Variants in CTNNA1 observed in about 807,000 individuals in gnomAD.
CTNNA1 encodes catenin alpha 1.
In CTNNA1, 37 loss-of-function variants were observed where a neutral mutation model predicts 98.4. The ratio of observed to expected loss-of-function variants is 0.38; its 90% CI spans 0.29 to 0.49. CTNNA1 has a LOEUF of 0.49. Among genes scored for constraint, CTNNA1 ranks in the 20% least tolerant of loss-of-function variants. The pLI is 0.95. For missense variants in CTNNA1, 761 were observed against 1,147.2 expected (o/e 0.66, Z 4.86); for synonymous variants, 404 against 413.2 (o/e 0.98, Z 0.27).
intron 2 of CTNNA1, chr5:138,782,432 T>C (rs1447645517): frequency 5.1e-6 from 2 of 388,420 alleles, no homozygotes; most frequent in Non-Finnish European, 1.0e-5. Flanking sequence ...TTAGGTTTGG[T>C]ATGCTACAAA....
intron 1 of CTNNA1, among the ~76,000 whole-genome samples, chr5:138,778,241 G>A (rs1321396958): frequency 1.3e-5 from 2 of 151,944 alleles, no homozygotes; most frequent in Non-Finnish European, 2.9e-5. Flanking sequence ...TGATCCACCC[G>A]CCTTGGCCTC....
At chr5:138,776,656 G>A (rs868081575) in intron 1 of CTNNA1, among the ~76,000 whole-genome samples, 7 of 151,238 alleles carry the variant, frequency 4.6e-5, no homozygotes, top group South Asian at 2.1e-4. Context: ...CGGACGGGGC[G>A]GCTGGCCGGG....
chr5:138,759,601 T>G (rs1049949871), intron 1 of CTNNA1, among the ~76,000 whole-genome samples: 1 of 152,188 alleles, frequency 6.6e-6, no homozygotes, highest in African/African-American at 2.4e-5. Flanking sequence ...TCCTTCTCAG[T>G]GTCTGCCTAT....
chr5:138,857,695 C>G (rs1336167037), intron 7 of CTNNA1, among the ~76,000 whole-genome samples: 1 of 152,148 alleles, frequency 6.6e-6, no homozygotes, highest in Non-Finnish European at 1.5e-5. Context: ...AAGCATGAAG[C>G]ATGGTACTGT....
chr5:138,852,185 C>CT (rs1162596567), intron 7 of CTNNA1, among the ~76,000 whole-genome samples: 5 of 152,186 alleles, frequency 3.3e-5, no homozygotes, highest in Non-Finnish European at 7.3e-5. Context: ...GGCGTTAACC[C>CT]TTTAAGTACT....
chr5:138,753,696 G>A (rs1036741137), intron 1 of CTNNA1, 186 bp downstream of exon 1: 2 of 331,234 alleles, frequency 6.0e-6, no homozygotes, highest in Admixed American at 9.8e-5. Flanking sequence ...CGGGCCGGCG[G>A]TCCCTTCCCC....
At chr5:138,768,947 G>A (rs1753230797) in intron 1 of CTNNA1, among the ~76,000 whole-genome samples, 2 of 152,086 alleles carry the variant, frequency 1.3e-5, no homozygotes, top group South Asian at 4.1e-4. Context: ...ACATCTAGCA[G>A]GATCCCAGAA....
At chr5:138,771,931 A>T (rs1205625860) in intron 1 of CTNNA1, among the ~76,000 whole-genome samples, 1 of 152,234 alleles carries the variant, frequency 6.6e-6, no homozygotes, top group East Asian at 1.9e-4. Flanking sequence ...GCTGTTAAAA[A>T]AAAAATTGGC....
intron 13 of CTNNA1, among the ~76,000 whole-genome samples, chr5:138,927,600 A>G (rs1764376490): frequency 6.6e-6 from 1 of 152,010 alleles, no homozygotes; most frequent in Non-Finnish European, 1.5e-5. Flanking sequence ...GTGTCATATA[A>G]TTCATTTGCT....
At chr5:138,857,726 A>G (rs1349889612) in intron 7 of CTNNA1, among the ~76,000 whole-genome samples, 1 of 152,230 alleles carries the variant, frequency 6.6e-6, no homozygotes, top group East Asian at 1.9e-4. Flanking sequence ...AGGTTAAATG[A>G]TTTATACAAG....
chr5:138,776,959 C>T (rs1207550851), intron 1 of CTNNA1, among the ~76,000 whole-genome samples: 16 of 146,538 alleles, frequency 1.1e-4, no homozygotes, highest in African/African-American at 3.7e-4. Flanking sequence ...CTGACTCCCC[C>T]ACCTCCCTCC....
At position 138,855,684 on chromosome 5, in the gene CTNNA1, C is replaced by T. The variant is rs546940247; in HGVS notation, c.1062+27966C>T. ...AAGGTCTTTACTTTGTCACTGTAAG[C>T]GTGTGTCTTTCCTTCTTATAAAAAG... On this transcript the variant is annotated intron_variant, in intron 7 of 17. Transcript: ENST00000302763. Among the ~76,000 whole-genome samples the T allele has an allele frequency of 3.9e-5, 6 of 152,184 alleles. No individual in the cohort carries two copies. In the South Asian group the frequency reaches 6.2e-4, roughly 16 times the overall value.
intron 1 of CTNNA1, among the ~76,000 whole-genome samples, chr5:138,758,410 G>A (rs904279443): frequency 4.1e-5 from 6 of 145,412 alleles, no homozygotes; most frequent in South Asian, 2.2e-4. Context: ...ACGGAGTCTC[G>A]CTCTGTCACC....
At chr5:138,933,675 C>A (rs2150357204) in intron 17 of CTNNA1, 127 bp from the exon 18 acceptor site, 1 of 943,766 alleles carries the variant, frequency 1.1e-6, no homozygotes, top group Non-Finnish European at 1.6e-6. Context: ...GCTGCCCAAT[C>A]CTCTGCGACC....
chr5:138,791,615 C>CAAAAA (rs1181055311), intron 3 of CTNNA1, among the ~76,000 whole-genome samples: 893 of 40,218 alleles, frequency 0.022, 175 homozygotes, highest in African/African-American at 0.052. Flanking sequence ...GACTCCGTCT[C>CAAAAA]AAAAAAAAAA....
At chr5:138,863,305 G>A (rs909698189) in intron 7 of CTNNA1, among the ~76,000 whole-genome samples, 63 of 152,016 alleles carry the variant, frequency 4.1e-4, no homozygotes, top group African/African-American at 1.5e-3. Flanking sequence ...GTGTGATCAC[G>A]GCTCACTGCA....
At chr5:138,861,111 G>C (rs931499202) in intron 7 of CTNNA1, among the ~76,000 whole-genome samples, 37 of 151,720 alleles carry the variant, frequency 2.4e-4, no homozygotes, top group Non-Finnish European at 2.8e-4. Context: ...CCTTTCAGCT[G>C]TCAGGTTCAG....
At chr5:138,920,138 C>T (rs1340284059) in intron 11 of CTNNA1, among the ~76,000 whole-genome samples, 1 of 151,990 alleles carries the variant, frequency 6.6e-6, no homozygotes, top group Non-Finnish European at 1.5e-5. Context: ...GCCACCATGC[C>T]TGGCTAATTT....
intron 9 of CTNNA1, among the ~76,000 whole-genome samples, chr5:138,891,394 TC>T (rs1755316405): frequency 7.2e-6 from 1 of 139,808 alleles, no homozygotes; most frequent in South Asian, 2.3e-4. Context: ...AGTTACAACC[TC>T]CTTTTTTTTT....
Sources: allele counts gnomAD v4.1 joint callset (sites outside exome capture counted in the v4.1 genomes callset), GRCh38; gene constraint gnomAD v4.1.1; transcripts MANE v1.5; gene names NCBI Gene and HGNC (gene_info 2026-07-23, HGNC 2026-07-21).